Variants in EYS observed in about 807,000 individuals in gnomAD.
The protein encoded by EYS is protein eyes shut homolog.
In EYS, 250 loss-of-function variants were observed where a neutral mutation model predicts 282.1. The observed-to-expected ratio is 0.89, with a 90% CI of 0.80 to 0.98. The LOEUF (loss-of-function observed/expected upper bound fraction) is 0.98. Ranked by LOEUF, EYS falls within the 50% of genes least tolerant of loss-of-function variation. The pLI is 0.00. For synonymous variants in EYS, 1,355 were observed against 1,282.9 expected, an observed-to-expected ratio of 1.06 and a Z score of -1.20; for missense variants, 4,016 against 3,709.0, an observed-to-expected ratio of 1.08 and a Z score of -2.15.
chr6:65,045,758 G>A (rs149886778), intron 13 of EYS, among the ~76,000 whole-genome samples: 22 of 151,980 alleles, frequency 1.4e-4, no homozygotes, highest in African/African-American at 4.1e-4. Flanking sequence ...TATTTGCTAA[G>A]AGGTTTAATT....
chr6:64,237,876 G>T (rs1021971492), intron 30 of EYS, among the ~76,000 whole-genome samples: 1 of 152,022 alleles, frequency 6.6e-6, no homozygotes, highest in Non-Finnish European at 1.5e-5. Flanking sequence ...CAAAATTACT[G>T]TTAGTACATG....
chr6:65,536,698 CA>C (rs1767975713), intron 2 of EYS, among the ~76,000 whole-genome samples: 1 of 151,946 alleles, frequency 6.6e-6, no homozygotes, highest in Non-Finnish European at 1.5e-5. Context: ...AGAAATCAAA[CA>C]AAAATTAGAT....
At chr6:64,052,769 C>T (rs747338431) in intron 33 of EYS, among the ~76,000 whole-genome samples, 4 of 151,982 alleles carry the variant, frequency 2.6e-5, no homozygotes, top group Non-Finnish European at 4.4e-5. Context: ...GTAAGTCTCG[C>T]GGGGTCTGAT....
At chr6:64,624,956 G>A (rs1011213062) in intron 23 of EYS, among the ~76,000 whole-genome samples, 2 of 152,144 alleles carry the variant, frequency 1.3e-5, no homozygotes, top group African/African-American at 2.4e-5. Flanking sequence ...GCATGTATCA[G>A]CCTCCATCTC....
chr6:65,410,694 T>G (rs1214158703), intron 5 of EYS, among the ~76,000 whole-genome samples: 3 of 151,586 alleles, frequency 2.0e-5, no homozygotes, highest in Non-Finnish European at 4.4e-5. Flanking sequence ...ATTAACATGA[T>G]GTATATCTCC....
intron 31 of EYS, among the ~76,000 whole-genome samples, chr6:64,170,754 T>C (rs557784253): frequency 2.0e-5 from 3 of 151,924 alleles, no homozygotes; most frequent in African/African-American, 7.2e-5. Flanking sequence ...CACATCTTTT[T>C]AAATTATACA....
chr6:64,197,636 T>G (rs1295282361), intron 31 of EYS, among the ~76,000 whole-genome samples: 2 of 152,110 alleles, frequency 1.3e-5, no homozygotes, highest in Non-Finnish European at 2.9e-5. Context: ...GCTGCTATTT[T>G]TTTATTTTTT....
At chr6:65,548,507 T>C (rs1768475729) in intron 2 of EYS, among the ~76,000 whole-genome samples, 1 of 152,224 alleles carries the variant, frequency 6.6e-6, no homozygotes, top group Non-Finnish European at 1.5e-5. Flanking sequence ...TACACTTTTA[T>C]TTTTAAGTTG....
chr6:64,782,147 T>C (rs779677075), intron 22 of EYS, among the ~76,000 whole-genome samples: 7 of 152,258 alleles, frequency 4.6e-5, no homozygotes, highest in Non-Finnish European at 1.0e-4. Flanking sequence ...TGGCAGATCA[T>C]ATGTTTTAAC....
chr6:64,759,958 CAA>C (rs1169101707), intron 22 of EYS, among the ~76,000 whole-genome samples: 1 of 151,966 alleles, frequency 6.6e-6, no homozygotes, highest in Non-Finnish European at 1.5e-5. Context: ...ATATTTGAGG[CAA>C]AAAAATGTTT....
Position 64,591,851 on chromosome 6 carries a change from A to G in EYS, c.4016T>C (p.Leu1339Pro). Reference sequence around the variant, plus strand: ...AGAGGAAACATCTGCGGAAGAAAGAAGACTGTGTTTTGCTGAAAGCTCTCT... The same window carrying G: ...AGAGGAAACATCTGCGGAAGAAAGAGGACTGTGTTTTGCTGAAAGCTCTCT... ...VTRELSAKHS[L>P]LSSADVSSSR... The change falls in exon 26 of 43, where the codon CTT becomes CCT. Residue 1339 changes from leucine to proline, a missense_variant. Coordinates refer to ENST00000503581, the MANE Select transcript of EYS (RefSeq NM_001142800.2). 1.3e-6 allele frequency: 2 copies of G among 1,551,304 alleles called. No individual in the cohort carries two copies. Among genetic ancestry groups the G allele is most frequent in the Non-Finnish European group, 1.7e-6 (2 of 1,146,700 alleles).
chr6:64,182,371 A>G (rs1427605551), intron 31 of EYS, among the ~76,000 whole-genome samples: 1 of 152,098 alleles, frequency 6.6e-6, no homozygotes, highest in Non-Finnish European at 1.5e-5. Context: ...AATTCCCACG[A>G]GTCACACAAC....
intron 22 of EYS, among the ~76,000 whole-genome samples, chr6:64,643,338 C>T (rs1234283559): frequency 1.3e-5 from 2 of 152,158 alleles, no homozygotes; most frequent in Non-Finnish European, 2.9e-5. Context: ...CAACCCAATA[C>T]TTTGGAGGTT....
intron 22 of EYS, among the ~76,000 whole-genome samples, chr6:64,806,463 C>G (rs1469064928): frequency 2.0e-5 from 3 of 151,762 alleles, no homozygotes; most frequent in African/African-American, 7.3e-5. Flanking sequence ...TATAGGATAT[C>G]GTGGTCCCTA....
At position 63,727,297 on chromosome 6, in the gene EYS, G is replaced by A. The variant is rs145643374; in HGVS notation, c.8072-617C>T. ...TTATAATGTTACAGTGCTTCTTAGAGTGCGCCCTGGTTCAGGACATAGCTT... is the reference window on the plus strand; with the variant it reads ...TTATAATGTTACAGTGCTTCTTAGAATGCGCCCTGGTTCAGGACATAGCTT... On this transcript the variant is annotated intron_variant, in intron 41 of 42. Transcript: ENST00000503581. Among the ~76,000 whole-genome samples, 9 of 152,096 alleles carry A rather than the reference G, an allele frequency of 5.9e-5. No individual in the cohort carries two copies. The East Asian group carries it at 1.6e-3, about 26-fold the overall frequency.
chr6:64,168,779 G>A, intron 31 of EYS, among the ~76,000 whole-genome samples: 1 of 152,140 alleles, frequency 6.6e-6, no homozygotes, highest in South Asian at 2.1e-4. Context: ...GACACAAAGG[G>A]ATTTTTTTGG....
At chr6:64,343,233 C>A (rs1453097551) in intron 29 of EYS, among the ~76,000 whole-genome samples, 4 of 151,960 alleles carry the variant, frequency 2.6e-5, no homozygotes, top group African/African-American at 9.7e-5. Flanking sequence ...AACTCTCCAC[C>A]CCAAATCAAC....
At chr6:64,965,288 T>C (rs1770054831) in intron 14 of EYS, among the ~76,000 whole-genome samples, 1 of 152,044 alleles carries the variant, frequency 6.6e-6, no homozygotes, top group African/African-American at 2.4e-5. Context: ...TGAAAATTAC[T>C]ATAATGTCCA....
chr6:64,078,952 T>G (rs1306440762), intron 32 of EYS, among the ~76,000 whole-genome samples: 1 of 152,058 alleles, frequency 6.6e-6, no homozygotes, highest in Non-Finnish European at 1.5e-5. Flanking sequence ...TTCCCAGTGG[T>G]TGGGTGCTGC....
Sources: gnomAD v4.1 joint callset for allele counts (sites outside exome capture counted in the v4.1 genomes callset) on GRCh38, gnomAD v4.1.1 for gene constraint, MANE v1.5 for transcripts, NCBI Gene and HGNC (gene_info 2026-07-23, HGNC 2026-07-21) for gene names.